The following NRG3 variants were observed in gnomAD, a reference collection of about 807,000 sequenced individuals.
NRG3 encodes the protein pro-neuregulin-3, membrane-bound isoform.
NRG3 carries 31 observed loss-of-function variants against 66.9 expected under a neutral mutation model. That is an observed-to-expected ratio of 0.46 (90% confidence interval 0.35 to 0.63). NRG3 has a LOEUF of 0.63. Among genes scored for constraint, NRG3 ranks in the 20% least tolerant of loss-of-function variants. The pLI, the probability that NRG3 is intolerant of heterozygous loss-of-function variation, is 0.00. For missense variants in NRG3, 910 were observed against 878.9 expected, an observed-to-expected ratio of 1.04 and a Z score of -0.45; for synonymous variants, 393 against 359.4, an observed-to-expected ratio of 1.09 and a Z score of -1.06.
intron 1 of NRG3, among the ~76,000 whole-genome samples, chr10:82,172,702 A>T (rs558142314): frequency 6.6e-6 from 1 of 152,194 alleles, no homozygotes; most frequent in South Asian, 2.1e-4. Flanking sequence ...GCCTTTATGC[A>T]TGTAAATTTA....
chr10:82,286,243 G>C (rs2079411484), intron 1 of NRG3, among the ~76,000 whole-genome samples: 1 of 152,134 alleles, frequency 6.6e-6, no homozygotes, highest in Non-Finnish European at 1.5e-5. Context: ...ACCTGAGTTT[G>C]GGGTAAGTTT....
rs115293832 is a variant in NRG3, at chr10:82,072,192, A to C, written c.823+196029A>C. On this transcript the variant is annotated intron_variant, in intron 1 of 8. Transcript: ENST00000372141. ...CACAGTACTTACTTTTCTCACCTAA[A>C]AATGTATGATTATATTTTGAATATA... Among the ~76,000 whole-genome samples, 589 of 152,344 alleles carry C rather than the reference A, an allele frequency of 3.9e-3. 5 individuals carry two copies. The highest frequency in any genetic ancestry group is 0.013 in the African/African-American group (556 of 41,582).
At chr10:82,726,174 G>T (rs933632428) in intron 2 of NRG3, among the ~76,000 whole-genome samples, 13 of 152,126 alleles carry the variant, frequency 8.5e-5, no homozygotes, top group African/African-American at 3.1e-4. Flanking sequence ...ATAAATATCT[G>T]TTGCCTAAGC....
intron 2 of NRG3, among the ~76,000 whole-genome samples, chr10:82,647,322 A>G (rs1019679230): frequency 3.9e-5 from 6 of 152,300 alleles, no homozygotes; most frequent in African/African-American, 1.4e-4. Flanking sequence ...TGTCCCTACA[A>G]AGGACATGAA....
intron 2 of NRG3, among the ~76,000 whole-genome samples, chr10:82,685,255 A>C (rs1308441222): frequency 6.6e-6 from 1 of 152,194 alleles, no homozygotes; most frequent in South Asian, 2.1e-4. Flanking sequence ...TAATGAAATA[A>C]TGATGAAGCA....
rs558865570 is a variant in NRG3, at chr10:82,144,994, A to C, written c.824-213745A>C. 2.0e-5 allele frequency among the ~76,000 whole-genome samples: 3 copies of C among 152,272 alleles called. No individual in the cohort carries two copies. The East Asian group carries it at 5.8e-4, about 29-fold the overall frequency. ...CTTTCCCATCCCACTTTTTCTTTTA[A>C]AACTGCTTCCCTGTACACATGGGGC... On this transcript the variant is annotated intron_variant, in intron 1 of 8. Coordinates refer to ENST00000372141, the MANE Select transcript of NRG3 (RefSeq NM_001010848.4).
intron 2 of NRG3, among the ~76,000 whole-genome samples, chr10:82,734,952 A>G (rs1159374904): frequency 2.7e-5 from 4 of 150,850 alleles, no homozygotes; most frequent in Non-Finnish European, 5.9e-5. Flanking sequence ...TAGGAGGTCA[A>G]GGCTGCAGCT....
chr10:82,841,407 A>C (rs1207437702), intron 3 of NRG3, among the ~76,000 whole-genome samples: 1 of 152,216 alleles, frequency 6.6e-6, no homozygotes, highest in East Asian at 1.9e-4. Flanking sequence ...AAATATGAAT[A>C]GTGATGATTA....
chr10:82,761,011 G>A (rs1440854826), intron 3 of NRG3, among the ~76,000 whole-genome samples: 2 of 151,586 alleles, frequency 1.3e-5, no homozygotes, highest in African/African-American at 2.4e-5. Context: ...TCAATAAATA[G>A]CACTGAGGAA....
intron 3 of NRG3, among the ~76,000 whole-genome samples, chr10:82,772,030 G>T (rs908542255): frequency 2.0e-5 from 3 of 151,930 alleles, no homozygotes; most frequent in Non-Finnish European, 2.9e-5. Context: ...TTCCACATGG[G>T]ATTATGAATA....
At chr10:82,914,112 T>G (rs572667384) in intron 4 of NRG3, among the ~76,000 whole-genome samples, 1 of 150,156 alleles carries the variant, frequency 6.7e-6, no homozygotes, top group South Asian at 2.1e-4. Flanking sequence ...TTTACTTCCA[T>G]TTCAGTTTTT....
At chr10:82,308,955 A>G (rs1677906100) in intron 1 of NRG3, among the ~76,000 whole-genome samples, 1 of 152,218 alleles carries the variant, frequency 6.6e-6, no homozygotes, top group African/African-American at 2.4e-5. Context: ...TTTCAGCCTA[A>G]GGTATAAACA....
At chr10:81,927,217 C>T (rs1340073189) in intron 1 of NRG3, among the ~76,000 whole-genome samples, 1 of 152,112 alleles carries the variant, frequency 6.6e-6, no homozygotes, top group South Asian at 2.1e-4. Flanking sequence ...TCAAGAATTG[C>T]TTAGAAAGTA....
At position 82,722,120 on chromosome 10, in the gene NRG3, G is replaced by T. The variant is rs563092767; in HGVS notation, c.954-16457G>T. 3.3e-5 allele frequency among the ~76,000 whole-genome samples: 5 copies of T among 152,326 alleles called. No homozygotes were observed. In the South Asian group the frequency reaches 1.0e-3, roughly 32 times the overall value. ...GTCTTTGCTTTTTAAGAGGAAGTAT[G>T]AAATAGAAGAAAGTACATTGAATTT... On this transcript the variant is annotated intron_variant, in intron 2 of 8. Coordinates refer to ENST00000372141, the MANE Select transcript of NRG3 (RefSeq NM_001010848.4).
chr10:82,671,402 A>C (rs904342849), intron 2 of NRG3, among the ~76,000 whole-genome samples: 2 of 152,204 alleles, frequency 1.3e-5, no homozygotes, highest in African/African-American at 4.8e-5. Context: ...AAACTGGCTA[A>C]AGCAAGCATC....
intron 3 of NRG3, among the ~76,000 whole-genome samples, chr10:82,780,816 G>C (rs1006502042): frequency 1.3e-5 from 2 of 152,084 alleles, no homozygotes; most frequent in Non-Finnish European, 2.9e-5. Context: ...CCATTAGCTA[G>C]GCTCTGGAAG....
intron 2 of NRG3, among the ~76,000 whole-genome samples, chr10:82,706,551 T>C (rs960480334): frequency 6.6e-6 from 1 of 152,176 alleles, no homozygotes; most frequent in Admixed American, 6.6e-5. Flanking sequence ...TTTTTTCACA[T>C]GTGGGGCTGA....
intron 1 of NRG3, among the ~76,000 whole-genome samples, chr10:82,319,999 T>C (rs1020042376): frequency 6.6e-6 from 1 of 152,168 alleles, no homozygotes. Context: ...AGTAAGGATG[T>C]GTGTAAGTAA....
At chr10:82,580,901 T>TTGTGTG (rs56906298) in intron 2 of NRG3, among the ~76,000 whole-genome samples, 66 of 147,312 alleles carry the variant, frequency 4.5e-4, no homozygotes, top group Middle Eastern at 3.5e-3. Context: ...GTTTGTAAGT[T>TTGTGTG]TGTGTGTGTG....
Sources: gnomAD v4.1 joint callset for allele counts (sites outside exome capture counted in the v4.1 genomes callset) on GRCh38, gnomAD v4.1.1 for gene constraint, MANE v1.5 for transcripts, NCBI Gene and HGNC (gene_info 2026-07-23, HGNC 2026-07-21) for gene names.